The following SPPL2A variants were observed in gnomAD, a reference collection of about 807,000 sequenced individuals.
SPPL2A encodes signal peptide peptidase like 2A, also known as signal peptide peptidase-like 2A.
Under a neutral mutation model 63.8 loss-of-function variants are expected in SPPL2A, and 51 were observed. The ratio of observed to expected loss-of-function variants is 0.80; its 90% CI spans 0.64 to 1.01. The LOEUF is 1.01. SPPL2A is among the 50% of genes least tolerant of loss of function. SPPL2A has a pLI of 0.00. For synonymous variants in SPPL2A, 188 were observed against 205.8 expected (o/e 0.91, Z 0.74); for missense variants, 553 against 622.7 (o/e 0.89, Z 1.19).
At position 50,705,585 on chromosome 15, in the gene SPPL2A, A is replaced by G. The variant is rs2062501988; in HGVS notation, c.*2215T>C. 1 of 152,178 alleles carries G rather than the reference A, an allele frequency of 6.6e-6. No homozygotes were observed. Among genetic ancestry groups the G allele is most frequent in the Non-Finnish European group, 1.5e-5 (1 of 68,042 alleles). The allele number at this position is 152,178 out of a possible 1,614,324, so 9.4% of individuals were successfully genotyped here. A position where few individuals can be genotyped will look rare whatever the true frequency, so the allele number is the denominator to read the frequency against. On this transcript the variant is annotated 3_prime_UTR_variant, in exon 15 of 15. Coordinates refer to ENST00000261854, the MANE Select transcript of SPPL2A (RefSeq NM_032802.4). ...CTGCCAAATAAATCAGATTTCTTGGAAAATATTCAAACTTGATACAATGGA... is the reference window on the plus strand; with the variant it reads ...CTGCCAAATAAATCAGATTTCTTGGGAAATATTCAAACTTGATACAATGGA...
chr15:50,710,976 G>T (rs1018699941), intron 14 of SPPL2A, among the ~76,000 whole-genome samples: 2 of 152,108 alleles, frequency 1.3e-5, no homozygotes, highest in Middle Eastern at 3.4e-3. Context: ...CCTTTTCATT[G>T]TGCTATATGC....
Position 50,703,299 on chromosome 15 carries a change from A to C in SPPL2A, c.*4501T>G, listed in dbSNP as rs2062487865. 1 of 143,842 alleles carries C rather than the reference A, an allele frequency of 7.0e-6. No homozygotes were observed. The highest frequency in any genetic ancestry group is 1.5e-5 in the Non-Finnish European group (1 of 66,616). The allele number at this position is 143,842 out of a possible 1,614,324, so 8.9% of individuals were successfully genotyped here. A position where few individuals can be genotyped will look rare whatever the true frequency, so the allele number is the denominator to read the frequency against. ...GATCAGGCTGAAATTTTAGAGATTA[A>C]GCCTAAATAAATTAGTTCATATATA... is the stretch of plus-strand genomic sequence containing the variant. On this transcript the variant is annotated 3_prime_UTR_variant, in exon 15 of 15. Coordinates refer to ENST00000261854, the MANE Select transcript of SPPL2A (RefSeq NM_032802.4).
chr15:50,733,594 C>T (rs2062747150), intron 8 of SPPL2A, among the ~76,000 whole-genome samples: 1 of 152,090 alleles, frequency 6.6e-6, no homozygotes, highest in African/African-American at 2.4e-5. Flanking sequence ...TGCTCCAGGA[C>T]ATTGGTCTTG....
intron 1 of SPPL2A, among the ~76,000 whole-genome samples, chr15:50,758,947 A>G (rs1170101426): frequency 6.6e-6 from 1 of 151,968 alleles, no homozygotes; most frequent in Admixed American, 6.6e-5. Context: ...ATCTCACTCT[A>G]TCACCCAGGC....
intron 14 of SPPL2A, among the ~76,000 whole-genome samples, chr15:50,717,613 C>T (rs2062607620): frequency 6.6e-6 from 1 of 152,136 alleles, no homozygotes; most frequent in Non-Finnish European, 1.5e-5. Flanking sequence ...ACATACAAGG[C>T]TCTCACTCTT....
intron 1 of SPPL2A, among the ~76,000 whole-genome samples, chr15:50,763,819 A>C (rs1455719244): frequency 6.6e-6 from 1 of 152,018 alleles, no homozygotes; most frequent in African/African-American, 2.4e-5. Flanking sequence ...AATTGCTTGA[A>C]CCTGGGAGGC....
intron 14 of SPPL2A, among the ~76,000 whole-genome samples, chr15:50,709,961 A>G (rs750372141): frequency 9.9e-5 from 15 of 152,208 alleles, no homozygotes; most frequent in South Asian, 2.1e-4. Context: ...ATCAAGACAG[A>G]TAACATTAAG....
chr15:50,707,910 T>G, intron 14 of SPPL2A, 36 bp from the exon 15 acceptor site: 3 of 1,116,234 alleles, frequency 2.7e-6, no homozygotes, highest in Non-Finnish European at 4.1e-6. Context: ...AAATGCAAAA[T>G]TTCAACTTGC....
At chr15:50,726,034 T>C in intron 11 of SPPL2A, 1 of 1,310,612 alleles carries the variant, frequency 7.6e-7, no homozygotes, top group African/African-American at 1.5e-5. Flanking sequence ...GAGGGTATGA[T>C]TTAAAGTCCA....
chr15:50,745,097 T>C (rs967672525), intron 5 of SPPL2A, among the ~76,000 whole-genome samples: 6 of 152,308 alleles, frequency 3.9e-5, no homozygotes, highest in South Asian at 2.1e-4. Context: ...TTTCATTTCT[T>C]TCAATAAAAA....
Position 50,705,116 on chromosome 15 carries a change from G to T in SPPL2A, c.*2684C>A, listed in dbSNP as rs2062498696. The stretch of plus-strand genomic sequence containing the variant: ...CCAGCACTTGGGGAGTCTGAGGCGG[G>T]CAGATCATGAGGTCAGGAGCTCAAG... On this transcript the variant is annotated 3_prime_UTR_variant, in exon 15 of 15. Coordinates refer to ENST00000261854, the MANE Select transcript of SPPL2A (RefSeq NM_032802.4). 2 of 152,160 alleles carry T rather than the reference G, an allele frequency of 1.3e-5. No individual in the cohort carries two copies. Among genetic ancestry groups the T allele is most frequent in the South Asian group, 2.1e-4 (1 of 4,832 alleles). The allele number at this position is 152,160 out of a possible 1,614,324, so 9.4% of individuals were successfully genotyped here.
At position 50,704,167 on chromosome 15, in the gene SPPL2A, AC is replaced by A. The variant is rs1423855917; in HGVS notation, c.*3632del. 2 of 151,858 alleles carry A rather than the reference AC, an allele frequency of 1.3e-5. No individual in the cohort carries two copies. The highest frequency in any genetic ancestry group is 2.9e-5 in the Non-Finnish European group (2 of 67,978). 9.4% of individuals were successfully genotyped at this position (151,858 alleles called of 1,614,324 possible). The stretch of plus-strand genomic sequence containing the variant: ...AGACCAGCCTGATCAACATGGAGAA[AC>A]CCCGTCTCTACTAAAAATACTATAT... On this transcript the variant is annotated 3_prime_UTR_variant, in exon 15 of 15. Coordinates refer to ENST00000261854, the MANE Select transcript of SPPL2A (RefSeq NM_032802.4).
In SPPL2A at chr15:50,706,258, C is replaced by T. The variant is rs1325365776; in HGVS notation, c.*1542G>A. On this transcript the variant is annotated 3_prime_UTR_variant, in exon 15 of 15. Coordinates refer to ENST00000261854, the MANE Select transcript of SPPL2A (RefSeq NM_032802.4). ...TACAAAAAATAGCCGGGCGTAGTGG[C>T]GGGCGCCTGTAGTCCTAGCTACTTG... The T allele has an allele frequency of 1.3e-5, 2 of 150,518 alleles. No individual in the cohort carries two copies. Among genetic ancestry groups the T allele is most frequent in the Non-Finnish European group, 3.0e-5 (2 of 67,360 alleles). 9.3% of individuals were successfully genotyped at this position (150,518 alleles called of 1,614,324 possible).
At chr15:50,736,032 A>G (rs2062768656) in intron 8 of SPPL2A, 69 bp downstream of exon 8, 6 of 989,064 alleles carry the variant, frequency 6.1e-6, no homozygotes, top group East Asian at 4.8e-5. Context: ...AATAATCATA[A>G]TAAGTATCAG....
At chr15:50,764,640 A>G (rs1567171015) in intron 1 of SPPL2A, 1 of 152,214 alleles carries the variant, frequency 6.6e-6, no homozygotes, top group Non-Finnish European at 1.5e-5. Flanking sequence ...TCCCTAAGTA[A>G]AAGTCACTAG....
intron 1 of SPPL2A, among the ~76,000 whole-genome samples, chr15:50,750,253 G>T (rs1266358750): frequency 1.3e-5 from 2 of 152,102 alleles, no homozygotes; most frequent in Non-Finnish European, 2.9e-5. Flanking sequence ...ACAGGCGCGT[G>T]TTACCATGCC....
intron 14 of SPPL2A, among the ~76,000 whole-genome samples, chr15:50,714,733 A>AC (rs199993637): frequency 0.095 from 14,469 of 151,958 alleles, 752 homozygotes; most frequent in South Asian, 0.15. Flanking sequence ...ACCTGAGGTC[A>AC]GAAGTTCAGG....
Position 50,755,627 on chromosome 15 carries a change from CAAAAAAAAAAAAAA to C in SPPL2A, c.67-5895_67-5882del, listed in dbSNP as rs148415568. On this transcript the variant is annotated intron_variant, in intron 1 of 14. Transcript: ENST00000261854. Reference sequence around the variant, plus strand: ...TAGGTGACAGAAGGACACCCTGTCTCAAAAAAAAAAAAAAAAAAAAAAAAAAAAAGAAGAAAAGA... The same window carrying C: ...TAGGTGACAGAAGGACACCCTGTCTCAAAAAAAAAAAAAAAGAAGAAAAGA... Among the ~76,000 whole-genome samples, 39 of 49,544 alleles carry C rather than the reference CAAAAAAAAAAAAAA, an allele frequency of 7.9e-4. 1 individual carries two copies. The highest frequency in any genetic ancestry group is 2.5e-3 in the South Asian group (3 of 1,218). The allele number at this position is 49,544 out of a possible 152,430, so 32.5% of individuals were successfully genotyped here.
intron 12 of SPPL2A, 101 bp downstream of exon 12, chr15:50,725,120 T>C (rs1312033213): frequency 5.2e-6 from 4 of 770,460 alleles, no homozygotes; most frequent in African/African-American, 3.6e-5. Context: ...CAGCCAGAAA[T>C]AGTTAATACA....
Sources: allele counts gnomAD v4.1 joint callset (sites outside exome capture counted in the v4.1 genomes callset), GRCh38; gene constraint gnomAD v4.1.1; transcripts MANE v1.5; gene names NCBI Gene and HGNC (gene_info 2026-07-23, HGNC 2026-07-21).